The following DOCK3 variants were observed in gnomAD, a reference collection of about 807,000 sequenced individuals.
DOCK3 encodes dedicator of cytokinesis 3.
DOCK3 carries 60 observed loss-of-function variants against 265.6 expected under a neutral mutation model. The observed-to-expected ratio is 0.23, with a 90% confidence interval of 0.18 to 0.28. The LOEUF (loss-of-function observed/expected upper bound fraction) is 0.28, where lower values mean the gene tolerates loss of function less well. DOCK3 is among the 10% of genes least tolerant of loss of function. DOCK3 has a pLI of 1.00. For synonymous variants in DOCK3, 881 were observed against 938.0 expected, an observed-to-expected ratio of 0.94 and a Z score of 1.11; for missense variants, 1,981 against 2,594.3, an observed-to-expected ratio of 0.76 and a Z score of 5.14.
chr3:51,207,068 A>G (rs1052559236), intron 12 of DOCK3, among the ~76,000 whole-genome samples: 4 of 152,106 alleles, frequency 2.6e-5, no homozygotes, highest in African/African-American at 9.7e-5. Flanking sequence ...AGCCTCTGGT[A>G]GTGGTTGAAG....
chr3:50,822,884 G>T (rs2044525751), intron 2 of DOCK3, among the ~76,000 whole-genome samples: 1 of 152,120 alleles, frequency 6.6e-6, no homozygotes, highest in South Asian at 2.1e-4. Context: ...AAATTTTAAT[G>T]AGATTATATG....
chr3:51,319,152 TATG>T (rs2083532693), intron 32 of DOCK3, among the ~76,000 whole-genome samples: 1 of 152,198 alleles, frequency 6.6e-6, no homozygotes, highest in South Asian at 2.1e-4. Flanking sequence ...TACCAGTGAA[TATG>T]ATACTATCCT....
chr3:51,374,733 A>ATG lies in DOCK3; in HGVS notation c.5412+149_5412+150dup. 1.3e-6 allele frequency: 1 copy of ATG among 770,114 alleles called. No homozygotes were observed. The highest frequency in any genetic ancestry group is 1.7e-5 in the South Asian group (1 of 59,038). 47.7% of individuals were successfully genotyped at this position (770,114 alleles called of 1,614,324 possible). A position where few individuals can be genotyped will look rare whatever the true frequency, so the allele number is the denominator to read the frequency against. On this transcript the variant is annotated intron_variant, in intron 50 of 52. Transcript: ENST00000266037. This position sits in a 1 kb window ranked among gnomAD's most constrained non-coding sequence, Gnocchi z 4.8. ...CCGCAAAAGGCCGCTGGGCTTCTGG[A>ATG]TGTGGAGTGCAGTGAACCTGAGGAC...
intron 3 of DOCK3, among the ~76,000 whole-genome samples, chr3:50,851,944 T>C (rs368849542): frequency 1.3e-5 from 2 of 152,202 alleles, no homozygotes; most frequent in Non-Finnish European, 2.9e-5. Context: ...CCTGGAAAAC[T>C]GTATGCATCT....
chr3:50,698,150 A>G (rs1375599036), intron 1 of DOCK3, among the ~76,000 whole-genome samples: 1 of 152,034 alleles, frequency 6.6e-6, no homozygotes, highest in Non-Finnish European at 1.5e-5. Context: ...CCCCCAAAAG[A>G]AATCCTATAC....
At chr3:51,282,267 A>C (rs1392072860) in intron 27 of DOCK3, among the ~76,000 whole-genome samples, 4 of 152,210 alleles carry the variant, frequency 2.6e-5, no homozygotes, top group African/African-American at 4.8e-5. Context: ...TAAAATTCAT[A>C]CTTTTAAAGT....
At chr3:51,246,841 C>T (rs867358452) in intron 22 of DOCK3, 34 bp downstream of exon 22, 8 of 1,589,880 alleles carry the variant, frequency 5.0e-6, no homozygotes, top group African/African-American at 4.0e-5. Flanking sequence ...ATAAGAGACC[C>T]ACTCATGCAA....
rs371174381 is a variant in DOCK3 at position 51,321,797 on chromosome 3, T to C, written c.3402+6669T>C. 1.4e-3 allele frequency among the ~76,000 whole-genome samples: 206 copies of C among 152,116 alleles called. 4 individuals carry two copies. In the South Asian group the frequency reaches 0.042, roughly 31 times the overall value. The stretch of plus-strand genomic sequence containing the variant: ...TTAGAGAAAAAAGAATGAAAAGGAA[T>C]GAACAAAGCCTCCAAGAAATATGGG... On this transcript the variant is annotated intron_variant, in intron 32 of 52. Transcript: ENST00000266037.
At chr3:51,012,930 T>C (rs1331810303) in intron 5 of DOCK3, among the ~76,000 whole-genome samples, 1 of 152,190 alleles carries the variant, frequency 6.6e-6, no homozygotes, top group Non-Finnish European at 1.5e-5. Context: ...TTCTTCTACT[T>C]GATCGAATCA....
chr3:51,265,182 A>T (rs1432931441), intron 23 of DOCK3, among the ~76,000 whole-genome samples: 1 of 152,170 alleles, frequency 6.6e-6, no homozygotes, highest in Non-Finnish European at 1.5e-5. Context: ...TAGACCAATA[A>T]TAAGATCTGA....
intron 23 of DOCK3, among the ~76,000 whole-genome samples, chr3:51,260,808 C>A (rs2079809383): frequency 6.6e-6 from 1 of 151,598 alleles, no homozygotes; most frequent in Non-Finnish European, 1.5e-5. Context: ...ATGATGAAAC[C>A]CCATCTCTAC....
In DOCK3 at chr3:50,907,756, A is replaced by G. The variant is rs2049608916; in HGVS notation, c.218+17675A>G. ...GGAGCATTTAGCCCATTTACATTTA[A>G]AGTGAATATTGTTATGTGTGAATTT... On this transcript the variant is annotated intron_variant, in intron 4 of 52. Coordinates refer to ENST00000266037, the MANE Select transcript of DOCK3 (RefSeq NM_004947.5). Among the ~76,000 whole-genome samples, 5 of 152,050 alleles carry G rather than the reference A, an allele frequency of 3.3e-5. No individual in the cohort carries two copies. In the South Asian group the frequency reaches 1.0e-3, roughly 31 times the overall value.
chr3:50,917,114 A>G (rs903543831), intron 4 of DOCK3, among the ~76,000 whole-genome samples: 1 of 152,050 alleles, frequency 6.6e-6, no homozygotes, highest in East Asian at 1.9e-4. Context: ...TTCTGTATTT[A>G]TATGTGTGAT....
intron 5 of DOCK3, among the ~76,000 whole-genome samples, chr3:51,042,426 A>G (rs2080571336): frequency 6.6e-6 from 1 of 152,226 alleles, no homozygotes; most frequent in African/African-American, 2.4e-5. Flanking sequence ...TATTGAAAGA[A>G]TATACCTCAA....
At chr3:51,058,803 T>G (rs1412843022) in intron 5 of DOCK3, among the ~76,000 whole-genome samples, 1 of 144,774 alleles carries the variant, frequency 6.9e-6, no homozygotes, top group Non-Finnish European at 1.5e-5. Context: ...GAACCTCCCC[T>G]TTGGGCCTAT....
intron 12 of DOCK3, among the ~76,000 whole-genome samples, chr3:51,199,241 A>G (rs1055332425): frequency 1.8e-4 from 28 of 152,206 alleles, no homozygotes; most frequent in Admixed American, 1.2e-3. Context: ...GAGGCATTGC[A>G]TTACTCGGGA....
intron 13 of DOCK3, among the ~76,000 whole-genome samples, chr3:51,212,557 A>G (rs2089572645): frequency 6.6e-6 from 1 of 151,812 alleles, no homozygotes; most frequent in Non-Finnish European, 1.5e-5. Context: ...GTTTACCCAG[A>G]GGATATGATT....
chr3:50,805,240 T>C (rs545833701), intron 2 of DOCK3, among the ~76,000 whole-genome samples: 1 of 152,286 alleles, frequency 6.6e-6, no homozygotes, highest in South Asian at 2.1e-4. Flanking sequence ...ATGTAGTTTT[T>C]TCAGCTGTAA....
chr3:50,811,270 G>A (rs1195960559), intron 2 of DOCK3, among the ~76,000 whole-genome samples: 1 of 151,786 alleles, frequency 6.6e-6, no homozygotes, highest in African/African-American at 2.4e-5. Context: ...TGGGTGTGGT[G>A]GTGCATGCCT....
Sources: gnomAD v4.1 joint callset for allele counts (sites outside exome capture counted in the v4.1 genomes callset) on GRCh38, gnomAD v4.1.1 for gene constraint, Gnocchi (gnomAD v3.1) non-coding constraint, MANE v1.5 for transcripts, NCBI Gene and HGNC (gene_info 2026-07-23, HGNC 2026-07-21) for gene names.